Variants in ZCCHC10 observed in about 807,000 individuals in gnomAD.
ZCCHC10 encodes zinc finger CCHC domain-containing protein 10.
In ZCCHC10, 16 loss-of-function variants were observed where a neutral mutation model predicts 19.5. The observed-to-expected ratio is 0.82, with a 90% CI of 0.56 to 1.25. The LOEUF (loss-of-function observed/expected upper bound fraction) is 1.25, where lower values mean the gene tolerates loss of function less well. ZCCHC10 is among the 50% of genes most tolerant of loss of function. The pLI is 0.00. For synonymous variants in ZCCHC10, 67 were observed against 72.5 expected, an observed-to-expected ratio of 0.92 and a Z score of 0.38; for missense variants, 197 against 201.0, an observed-to-expected ratio of 0.98 and a Z score of 0.12.
intron 4 of ZCCHC10, among the ~76,000 whole-genome samples, chr5:132,999,788 C>T (rs542290637): frequency 1.3e-5 from 2 of 152,238 alleles, no homozygotes; most frequent in East Asian, 1.9e-4. Flanking sequence ...CGCTCTGTTG[C>T]CCAGGCTGGA....
At chr5:133,023,866 T>C (rs1764496907) in intron 1 of ZCCHC10, among the ~76,000 whole-genome samples, 1 of 152,190 alleles carries the variant, frequency 6.6e-6, no homozygotes, top group African/African-American at 2.4e-5. Context: ...ATATGCTCCT[T>C]GTAAATAAAA....
chr5:133,006,991 A>C (rs1365405304), intron 2 of ZCCHC10, 71 bp from the exon 3 acceptor site: 2 of 1,387,178 alleles, frequency 1.4e-6, no homozygotes, highest in African/African-American at 2.9e-5. Context: ...AACTATAAAA[A>C]AATATAAAGG....
At chr5:133,000,036 C>T (rs1304758818) in intron 4 of ZCCHC10, 96 bp downstream of exon 4, 15 of 1,396,282 alleles carry the variant, frequency 1.1e-5, no homozygotes, top group Non-Finnish European at 1.4e-5. Context: ...GCATGAGCCA[C>T]TGCATCTGGC....
chr5:133,003,797 G>C (rs1436027360), intron 3 of ZCCHC10, among the ~76,000 whole-genome samples: 2 of 152,144 alleles, frequency 1.3e-5, no homozygotes, highest in Non-Finnish European at 2.9e-5. Context: ...TGCAACTTCT[G>C]CCTCCTGGGT....
At chr5:133,018,095 A>G (rs1764042470) in intron 2 of ZCCHC10, among the ~76,000 whole-genome samples, 1 of 150,572 alleles carries the variant, frequency 6.6e-6, no homozygotes, top group African/African-American at 2.4e-5. Context: ...CAGTGAGCCG[A>G]GATCGCACCA....
chr5:133,023,970 C>G (rs1764504087), intron 1 of ZCCHC10, among the ~76,000 whole-genome samples: 1 of 152,176 alleles, frequency 6.6e-6, no homozygotes, highest in South Asian at 2.1e-4. Context: ...TCTAAAGGCC[C>G]TCCTTTGCTG....
chr5:133,020,078 C>A (rs2126644433), intron 2 of ZCCHC10, among the ~76,000 whole-genome samples: 1 of 152,184 alleles, frequency 6.6e-6, no homozygotes, highest in Middle Eastern at 3.4e-3. Context: ...TGCCTATAAT[C>A]CCAGCACTTT....
At chr5:133,020,622 TA>T (rs144162284) in intron 2 of ZCCHC10, among the ~76,000 whole-genome samples, 42,613 of 124,596 alleles carry the variant, frequency 0.34, 7,650 homozygotes, top group African/African-American at 0.53. Context: ...AGCCTGTCTT[TA>T]AAAAAAAAAA....
At chr5:133,004,768 G>GCT in intron 3 of ZCCHC10, among the ~76,000 whole-genome samples, 1 of 151,970 alleles carries the variant, frequency 6.6e-6, no homozygotes, top group South Asian at 2.1e-4. Flanking sequence ...GGGATTACAG[G>GCT]TGTAAGCCAC....
At chr5:133,022,127 T>C (rs1467788534) in intron 2 of ZCCHC10, among the ~76,000 whole-genome samples, 3 of 152,112 alleles carry the variant, frequency 2.0e-5, no homozygotes, top group African/African-American at 7.2e-5. Context: ...TTAAAACTTT[T>C]TGACTCTTTT....
At chr5:133,016,212 C>T (rs1362275476) in intron 2 of ZCCHC10, among the ~76,000 whole-genome samples, 1 of 150,002 alleles carries the variant, frequency 6.7e-6, no homozygotes, top group African/African-American at 2.5e-5. Flanking sequence ...GGGGCACACA[C>T]GTGCTTGCTG....
rs751153892 is a variant in ZCCHC10 at position 133,016,689 on chromosome 5, C to T, written c.107+6152G>A. Among the ~76,000 whole-genome samples, 20 of 152,052 alleles carry T rather than the reference C, an allele frequency of 1.3e-4. 1 individual carries two copies. The highest frequency in any genetic ancestry group is 2.8e-4 in the Non-Finnish European group (19 of 67,994). On this transcript the variant is annotated intron_variant, in intron 2 of 4. Transcript: ENST00000509437. ...AACTCCTGACCTCAGGTGATCTGCCCGCCTCAGCCTCCCAAAGTGCTGGGA... is the reference window on the plus strand; with the variant it reads ...AACTCCTGACCTCAGGTGATCTGCCTGCCTCAGCCTCCCAAAGTGCTGGGA...
At chr5:133,009,053 C>G (rs1032015592) in intron 2 of ZCCHC10, among the ~76,000 whole-genome samples, 2 of 151,832 alleles carry the variant, frequency 1.3e-5, no homozygotes, top group African/African-American at 4.8e-5. Context: ...GTTGCCCAGG[C>G]CAAGAGTGCA....
rs749530591 is a variant in ZCCHC10 at position 132,998,784 on chromosome 5, C to G, written c.378G>C (p.Glu126Asp). 6.2e-7 allele frequency: 1 copy of G among 1,614,144 alleles called. No individual in the cohort carries two copies. The highest frequency in any genetic ancestry group is 1.1e-5 in the South Asian group (1 of 91,076). ...AGGAAGAGGTAGATGTTTCTTCACT[C>G]TCTGATGAAGAATCACTGGCAGAAC... The part of the protein sequence containing the change: ...SDSSASDSSS[E>D]SEETSTSSSS... Residue 126 changes from glutamate to aspartate, a missense_variant, in exon 5 of 5, where the codon GAG becomes GAC. Physicochemically the swap from Glu to Asp is conservative, Grantham distance 45. Coordinates refer to ENST00000509437, the MANE Select transcript of ZCCHC10 (RefSeq NM_001300816.3).
intron 2 of ZCCHC10, among the ~76,000 whole-genome samples, chr5:133,016,225 A>G (rs542618018): frequency 3.6e-5 from 5 of 138,658 alleles, no homozygotes; most frequent in African/African-American, 1.5e-4. Flanking sequence ...GCTTGCTGTT[A>G]CTGGGACATT....
chr5:133,024,758 C>G (rs1764555794), intron 1 of ZCCHC10, among the ~76,000 whole-genome samples: 1 of 152,106 alleles, frequency 6.6e-6, no homozygotes, highest in African/African-American at 2.4e-5. Context: ...CAAAAATTAG[C>G]AGGGCATGGT....
At chr5:133,008,705 C>G (rs1459060533) in intron 2 of ZCCHC10, among the ~76,000 whole-genome samples, 1 of 151,318 alleles carries the variant, frequency 6.6e-6, no homozygotes, top group Non-Finnish European at 1.5e-5. Flanking sequence ...TCAATCTCTA[C>G]AACAAATTTT....
At chr5:133,008,001 G>A (rs776080426) in intron 2 of ZCCHC10, among the ~76,000 whole-genome samples, 12 of 151,788 alleles carry the variant, frequency 7.9e-5, no homozygotes, top group Non-Finnish European at 1.3e-4. Context: ...TAAGGCAGGC[G>A]GATCACGAGG....
At chr5:133,026,227 G>C (rs1277602203) in intron 1 of ZCCHC10, among the ~76,000 whole-genome samples, 1 of 152,236 alleles carries the variant, frequency 6.6e-6, no homozygotes, top group Non-Finnish European at 1.5e-5. Context: ...GTGACCAACT[G>C]TGGGCGTTCC....
Sources: allele counts gnomAD v4.1 joint callset (sites outside exome capture counted in the v4.1 genomes callset), GRCh38; gene constraint gnomAD v4.1.1; transcripts MANE v1.5; gene names NCBI Gene and HGNC (gene_info 2026-07-23, HGNC 2026-07-21).